CDH23: variants seen among roughly 807,000 people sequenced by gnomAD.
The protein encoded by CDH23 is cadherin-23.
Under a neutral mutation model 317.1 loss-of-function variants are expected in CDH23, and 189 were observed. The observed-to-expected ratio is 0.60, with a 90% CI of 0.53 to 0.67. The LOEUF (loss-of-function observed/expected upper bound fraction) is 0.67. Ranked by LOEUF, CDH23 falls within the 30% of genes least tolerant of loss-of-function variation. CDH23 has a pLI of 0.00. For synonymous variants in CDH23, 1,839 were observed against 1,876.8 expected (o/e 0.98, Z 0.52); for missense variants, 4,401 against 4,592.4 (o/e 0.96, Z 1.20).
At chr10:71,599,585 TG>T (rs1196759845) in intron 9 of CDH23, among the ~76,000 whole-genome samples, 2 of 152,226 alleles carry the variant, frequency 1.3e-5, no homozygotes, top group Non-Finnish European at 2.9e-5. Flanking sequence ...TTGTTGCATC[TG>T]GGTGATGGTA....
At chr10:71,674,621 T>C (rs1864281101) in intron 14 of CDH23, among the ~76,000 whole-genome samples, 1 of 152,150 alleles carries the variant, frequency 6.6e-6, no homozygotes, top group Non-Finnish European at 1.5e-5. Context: ...CCCTGTGAGG[T>C]AGGTACTATT....
At chr10:71,645,480 C>T (rs1347405438) in intron 12 of CDH23, among the ~76,000 whole-genome samples, 3 of 152,212 alleles carry the variant, frequency 2.0e-5, no homozygotes, top group African/African-American at 7.2e-5. Context: ...CCTCTGTCTC[C>T]CCGCTGGGTC....
chr10:71,661,761 C>CCTCCCACCCTGCGCGCA (rs1863668256), intron 14 of CDH23, among the ~76,000 whole-genome samples: 1 of 73,010 alleles, frequency 1.4e-5, no homozygotes, highest in East Asian at 3.8e-4. Context: ...CCCTGCGCGC[C>CCTCCCACCCTGCGCGCA]CCCTCCCACC....
intron 6 of CDH23, among the ~76,000 whole-genome samples, chr10:71,540,701 G>A (rs1855940516): frequency 6.6e-6 from 1 of 152,084 alleles, no homozygotes; most frequent in South Asian, 2.1e-4. Context: ...GGCCCCAGCT[G>A]AGAAATTCCC....
At chr10:71,684,843 T>G (rs1392137080) in intron 18 of CDH23, among the ~76,000 whole-genome samples, 1 of 152,200 alleles carries the variant, frequency 6.6e-6, no homozygotes, top group Non-Finnish European at 1.5e-5. Context: ...TTAAGTGTTC[T>G]GGCTAGCCCG....
chr10:71,668,099 G>C (rs1863989569), intron 14 of CDH23, among the ~76,000 whole-genome samples: 1 of 152,104 alleles, frequency 6.6e-6, no homozygotes, highest in East Asian at 1.9e-4. Flanking sequence ...GCACCTGCTT[G>C]GGTATCTGAG....
At chr10:71,460,681 A>T (rs1229439825) in intron 3 of CDH23, among the ~76,000 whole-genome samples, 1 of 152,182 alleles carries the variant, frequency 6.6e-6, no homozygotes, top group Non-Finnish European at 1.5e-5. Context: ...CGCCCCATCC[A>T]TGAGCCAAGA....
At chr10:71,578,345 C>T (rs867310542) in intron 9 of CDH23, among the ~76,000 whole-genome samples, 2 of 152,166 alleles carry the variant, frequency 1.3e-5, no homozygotes, top group Non-Finnish European at 2.9e-5. Flanking sequence ...CCTCCTGCAG[C>T]GCTCTGGGTT....
At chr10:71,427,235 AAGAAAGAAAGGGAAAGAAAGAAAG>A (rs1453852155) in intron 1 of CDH23, among the ~76,000 whole-genome samples, 5 of 73,050 alleles carry the variant, frequency 6.8e-5, no homozygotes, top group Non-Finnish European at 1.2e-4. Context: ...GAAAGAAAGA[AAGAAAGAAAGGGAAAGAAAGAAAG>A]AGAAAGAGAG....
intron 38 of CDH23, among the ~76,000 whole-genome samples, chr10:71,763,159 G>A (rs985740294): frequency 1.1e-4 from 17 of 152,270 alleles, no homozygotes; most frequent in African/African-American, 2.6e-4. Flanking sequence ...ATTATTATGC[G>A]TTGGTGTTAT....
chr10:71,770,941 G>GCCACAAC (rs2132911223), intron 38 of CDH23, among the ~76,000 whole-genome samples: 1 of 152,320 alleles, frequency 6.6e-6, no homozygotes, highest in South Asian at 2.1e-4. Context: ...CTACTCCAGA[G>GCCACAAC]CCTCTGGGCA....
chr10:71,467,640 A>T (rs1851316778), intron 3 of CDH23, among the ~76,000 whole-genome samples: 1 of 152,198 alleles, frequency 6.6e-6, no homozygotes, highest in Non-Finnish European at 1.5e-5. Flanking sequence ...GTGCCTTTAG[A>T]CAAGGTTCTG....
intron 47 of CDH23, 93 bp from the exon 48 acceptor site, chr10:71,793,089 G>A: frequency 1.1e-6 from 1 of 927,232 alleles, no homozygotes; most frequent in Non-Finnish European, 1.6e-6. Context: ...GTCATGAGAA[G>A]GGGACTTGAG....
At chr10:71,685,241 GC>G (rs1232454558) in intron 18 of CDH23, among the ~76,000 whole-genome samples, 1 of 152,224 alleles carries the variant, frequency 6.6e-6, no homozygotes, top group African/African-American at 2.4e-5. Flanking sequence ...CTCCCACACA[GC>G]TTGCAGGTGA....
chr10:71,694,095 C>T (rs1589342096), intron 20 of CDH23, 52 bp from the exon 21 acceptor site: 2 of 1,389,584 alleles, frequency 1.4e-6, no homozygotes, highest in Non-Finnish European at 2.0e-6. Flanking sequence ...TTCCCTCCCT[C>T]TCTCCCTGGC....
intron 30 of CDH23, among the ~76,000 whole-genome samples, chr10:71,726,185 G>A (rs1002493882): frequency 7.9e-5 from 12 of 152,070 alleles, no homozygotes; most frequent in African/African-American, 2.2e-4. Context: ...TCTCAAGGCC[G>A]CTTCACCCCC....
intron 38 of CDH23, chr10:71,750,913 C>T (rs1839981605): frequency 4.0e-6 from 1 of 248,680 alleles, no homozygotes; most frequent in Non-Finnish European, 7.7e-6. Flanking sequence ...CTGCCACATC[C>T]CAAGGCTCAT....
intron 3 of CDH23, among the ~76,000 whole-genome samples, chr10:71,479,928 A>G (rs999017100): frequency 6.6e-6 from 1 of 152,202 alleles, no homozygotes; most frequent in African/African-American, 2.4e-5. Context: ...GGGGCTTCAC[A>G]CAGTCAAGGC....
At chr10:71,515,654 G>A (rs1360019078) in intron 6 of CDH23, among the ~76,000 whole-genome samples, 1 of 152,108 alleles carries the variant, frequency 6.6e-6, no homozygotes, top group Non-Finnish European at 1.5e-5. Flanking sequence ...TGTGACTTTA[G>A]ACAAGTGACT....
Sources: allele counts gnomAD v4.1 joint callset (sites outside exome capture counted in the v4.1 genomes callset), GRCh38; gene constraint gnomAD v4.1.1; transcripts MANE v1.5; gene names NCBI Gene and HGNC (gene_info 2026-07-23, HGNC 2026-07-21).